Variants in HVCN1 observed in about 807,000 individuals in gnomAD.
HVCN1 encodes hydrogen voltage gated channel 1, also known as voltage-gated hydrogen channel 1.
In HVCN1, 14 loss-of-function variants were observed where a neutral mutation model predicts 29.2. The observed-to-expected ratio is 0.48, with a 90% CI of 0.32 to 0.75. The LOEUF (loss-of-function observed/expected upper bound fraction) is 0.75. Ranked by LOEUF, HVCN1 falls within the 30% of genes least tolerant of loss-of-function variation. The pLI, the probability that HVCN1 is intolerant of heterozygous loss-of-function variation, is 0.04. For synonymous variants in HVCN1, 131 were observed against 133.2 expected (o/e 0.98, Z 0.11); for missense variants, 263 against 341.8 (o/e 0.77, Z 1.82).
chr12:110,661,415 C>T lies in HVCN1; in HGVS notation c.55G>A (p.Glu19Lys). The change falls in exon 4 of 8, where the codon GAG becomes AAG. Residue 19 changes from glutamate to lysine, a missense_variant. Glu to Lys is a moderately conservative substitution (Grantham distance 56, BLOSUM62 1). This residue lies in a region of HVCN1 where 157 missense variants were observed against 181.3 expected (regional missense o/e 0.87). Transcript: ENST00000242607. The surrounding 1 kb of genome is among the most constrained non-coding windows in gnomAD (Gnocchi z 6.2). ...TGCCTTAAGAACTTGCTCATCCTCT[C>T]AGCGGGAGCCACCTTGGCCCTGCGG... ...VTRRAKVAPA[E>K]RMSKFLRHFT... 2.5e-6 allele frequency: 4 copies of T among 1,614,236 alleles called. No homozygotes were observed. The highest frequency in any genetic ancestry group is 3.4e-6 in the Non-Finnish European group (4 of 1,180,032).
Position 110,655,218 on chromosome 12 carries a change from A to G in HVCN1, c.411+16T>C, listed in dbSNP as rs1228911330. On this transcript the variant is annotated intron_variant, in intron 5 of 7. Coordinates refer to ENST00000242607, the MANE Select transcript of HVCN1 (RefSeq NM_032369.4). ...AAACATATCAGTAAGACCCCAGAAG[A>G]GCTGTCAACCCCTACCATGGCAGCA... 1.3e-6 allele frequency: 2 copies of G among 1,582,324 alleles called. No individual in the cohort carries two copies. The highest frequency in any genetic ancestry group is 2.2e-5 in the East Asian group (1 of 44,696).
chr12:110,677,379 G>A (rs191706647), intron 3 of HVCN1, among the ~76,000 whole-genome samples: 115 of 152,244 alleles, frequency 7.6e-4, no homozygotes, highest in Admixed American at 4.1e-3. Flanking sequence ...TTGCACACGT[G>A]ACTTCTTTTG....
intron 2 of HVCN1, among the ~76,000 whole-genome samples, chr12:110,684,621 A>G (rs2069113043): frequency 6.6e-6 from 1 of 152,002 alleles, no homozygotes; most frequent in South Asian, 2.1e-4. Flanking sequence ...CGTAAGGATC[A>G]CTCTTCGCAG....
chr12:110,675,440 C>T (rs1325604804), intron 3 of HVCN1, among the ~76,000 whole-genome samples: 1 of 152,084 alleles, frequency 6.6e-6, no homozygotes, highest in African/African-American at 2.4e-5. Context: ...ACCTGGGTGA[C>T]AGGGCAAGAC....
At position 110,684,061 on chromosome 12, in the gene HVCN1, C is replaced by T. The variant is rs542298050; in HGVS notation, c.-19-797G>A. ...TATGATTCCATTGATATGAAATGTC[C>T]GGAACAGGATATGAAATGTCCAGAA... is the stretch of plus-strand genomic sequence containing the variant. On this transcript the variant is annotated intron_variant, in intron 2 of 7. Coordinates refer to ENST00000242607, the MANE Select transcript of HVCN1 (RefSeq NM_032369.4). Among the ~76,000 whole-genome samples the T allele has an allele frequency of 1.4e-4, 22 of 151,860 alleles. No individual in the cohort carries two copies. The South Asian group carries it at 3.7e-3, about 26-fold the overall frequency.
At chr12:110,681,629 A>G (rs1277756370) in intron 3 of HVCN1, among the ~76,000 whole-genome samples, 1 of 152,206 alleles carries the variant, frequency 6.6e-6, no homozygotes, top group Non-Finnish European at 1.5e-5. Flanking sequence ...TACAGTTACC[A>G]GGGTCATCAA....
At chr12:110,694,700 G>A (rs903807188), upstream of HVCN1, among the ~76,000 whole-genome samples, 3 of 152,218 alleles carry the variant, frequency 2.0e-5, no homozygotes, top group African/African-American at 7.2e-5. This position sits in a 1 kb window ranked among gnomAD's most constrained non-coding sequence, Gnocchi z 4.6. Flanking sequence ...GCCCAGAGGT[G>A]CCTTTCCCAG....
In HVCN1 at chr12:110,649,438, T is replaced by C; in HGVS notation, c.794A>G (p.Gln265Arg). The C allele has an allele frequency of 6.2e-7, 1 of 1,609,104 alleles. No individual in the cohort carries two copies. The part of the protein sequence containing the change: ...EIERLNKLLR[Q>R]HGLLGEVN ...GTTCACTTCACCAAGAAGTCCATGC[T>C]GTCGCAATAGTTTGTTAAGTCTTTC... Residue 265 changes from glutamine to arginine, a missense_variant, in exon 8 of 8, where the codon CAG becomes CGG. Gln to Arg is a conservative substitution (Grantham distance 43). Transcript: ENST00000242607.
chr12:110,687,482 G>A (rs750128637), intron 2 of HVCN1, among the ~76,000 whole-genome samples: 8 of 152,168 alleles, frequency 5.3e-5, no homozygotes, highest in Non-Finnish European at 1.2e-4. Flanking sequence ...TTAGGAGGTG[G>A]CGGCTGGGGA....
chr12:110,679,533 G>A (rs1405551747), intron 3 of HVCN1, among the ~76,000 whole-genome samples: 1 of 152,230 alleles, frequency 6.6e-6, no homozygotes, highest in Non-Finnish European at 1.5e-5. Flanking sequence ...ACTCTGTGAG[G>A]TAGTGTGATC....
chr12:110,668,059 G>A (rs1198444967), intron 3 of HVCN1, among the ~76,000 whole-genome samples: 3 of 152,156 alleles, frequency 2.0e-5, no homozygotes, highest in African/African-American at 7.2e-5. Context: ...ATGCACTCCA[G>A]ACTCCTAGCA....
intron 3 of HVCN1, 49 bp downstream of exon 3, chr12:110,683,176 C>T (rs957597915): frequency 1.7e-5 from 27 of 1,613,344 alleles, no homozygotes; most frequent in Non-Finnish European, 2.1e-5. Context: ...GAATTATCCT[C>T]TCAAGGCTGG....
chr12:110,700,049 C>T (rs1354950618), intron 2 of HVCN1, among the ~76,000 whole-genome samples: 1 of 152,200 alleles, frequency 6.6e-6, no homozygotes, highest in Non-Finnish European at 1.5e-5. Context: ...AGACACGTGC[C>T]GGCCACCTCT....
rs1249995836 is a variant in HVCN1 at position 110,658,064 on chromosome 12, C to T, written c.307-2726G>A. Among the ~76,000 whole-genome samples, 3 of 152,132 alleles carry T rather than the reference C, an allele frequency of 2.0e-5. No homozygotes were observed. The highest frequency in any genetic ancestry group is 2.9e-5 in the Non-Finnish European group (2 of 68,034). On this transcript the variant is annotated intron_variant, in intron 4 of 7. Coordinates refer to ENST00000242607, the MANE Select transcript of HVCN1 (RefSeq NM_032369.4). This position sits in a 1 kb window ranked among gnomAD's most constrained non-coding sequence, Gnocchi z 5.0. The stretch of plus-strand genomic sequence containing the variant: ...GGGCGCTTAGCACACGGCTGGCCTG[C>T]GGTGCATGGGAATGAAAGTGAAGCT...
At chr12:110,704,563 C>T (rs941771380) in intron 1 of HVCN1, among the ~76,000 whole-genome samples, 16 of 151,956 alleles carry the variant, frequency 1.1e-4, no homozygotes, top group Admixed American at 5.3e-4. Flanking sequence ...GAGGCTGAGA[C>T]GGGAGGATCA....
intron 1 of HVCN1, among the ~76,000 whole-genome samples, chr12:110,703,969 G>A (rs967667413): frequency 2.0e-5 from 3 of 152,204 alleles, no homozygotes; most frequent in African/African-American, 4.8e-5. Context: ...ACAGGTGTGA[G>A]TCATCACGCC....
chr12:110,653,461 G>GT (rs2067880842), intron 5 of HVCN1, among the ~76,000 whole-genome samples: 1 of 149,308 alleles, frequency 6.7e-6, no homozygotes, highest in Non-Finnish European at 1.5e-5. Flanking sequence ...TCTGTCTCAA[G>GT]TAAAAAAAAA....
chr12:110,649,531 A>ACAAT (rs1210394563), intron 7 of HVCN1, 56 bp from the exon 8 acceptor site: 5 of 1,300,298 alleles, frequency 3.8e-6, no homozygotes, highest in Admixed American at 3.8e-5. Context: ...CAGGGATGTG[A>ACAAT]CAATCAATCA....
Position 110,649,323 on chromosome 12 carries a change from A to C in HVCN1, c.*87T>G. 1.9e-6 allele frequency: 2 copies of C among 1,058,170 alleles called. No homozygotes were observed. The highest frequency in any genetic ancestry group is 1.4e-6 in the Non-Finnish European group (1 of 692,526). The allele number at this position is 1,058,170 out of a possible 1,614,324, so 65.5% of individuals were successfully genotyped here. A position where few individuals can be genotyped will look rare whatever the true frequency, so the allele number is the denominator to read the frequency against. On this transcript the variant is annotated 3_prime_UTR_variant, in exon 8 of 8. Transcript: ENST00000242607. ...GAGGTATCAAACCAAACCTCTCACCAAGCGGCCCAGGAGGGGCAGCTGTTC... is the reference window on the plus strand; with the variant it reads ...GAGGTATCAAACCAAACCTCTCACCCAGCGGCCCAGGAGGGGCAGCTGTTC...
Sources: gnomAD v4.1 joint callset for allele counts (sites outside exome capture counted in the v4.1 genomes callset) on GRCh38, gnomAD v4.1.1 for gene constraint, gnomAD v4.1.1 regional missense constraint, Gnocchi (gnomAD v3.1) non-coding constraint, MANE v1.5 for transcripts, NCBI Gene and HGNC (gene_info 2026-07-23, HGNC 2026-07-21) for gene names.